Variants in FHIP1B observed in about 807,000 individuals in gnomAD.
FHIP1B encodes the protein FHF complex subunit HOOK-interacting protein 1B.
FHIP1B carries 28 observed loss-of-function variants against 82.2 expected under a neutral mutation model. That is an observed-to-expected ratio of 0.34 (90% CI 0.25 to 0.47). The LOEUF is 0.47. Among genes scored for constraint, FHIP1B ranks in the 20% least tolerant of loss-of-function variants. The probability of loss-of-function intolerance (pLI) is 1.00; values close to 1 mark genes in which losing one functional copy is unlikely to be tolerated. For synonymous variants in FHIP1B, 585 were observed against 516.1 expected, an observed-to-expected ratio of 1.13 and a Z score of -1.81; for missense variants, 1,110 against 1,262.6, an observed-to-expected ratio of 0.88 and a Z score of 1.83.
chr11:6,226,778 C>A (rs1283795859), intron 1 of FHIP1B, among the ~76,000 whole-genome samples: 1 of 152,168 alleles, frequency 6.6e-6, no homozygotes, highest in Admixed American at 6.5e-5. Flanking sequence ...TAGCTTTTGT[C>A]TACTGACACC....
chr11:6,230,155 G>A (rs746776630), intron 1 of FHIP1B, among the ~76,000 whole-genome samples: 4 of 152,110 alleles, frequency 2.6e-5, no homozygotes, highest in Non-Finnish European at 5.9e-5. Context: ...AACCAACCTC[G>A]GAACTGCAGA....
At chr11:6,221,172 T>C (rs1847396103) in intron 6 of FHIP1B, among the ~76,000 whole-genome samples, 1 of 152,134 alleles carries the variant, frequency 6.6e-6, no homozygotes, top group African/African-American at 2.4e-5. Context: ...GTCTGGAATA[T>C]TTCTTATACA....
chr11:6,212,552 T>C (rs1847102399), intron 11 of FHIP1B, among the ~76,000 whole-genome samples: 1 of 152,240 alleles, frequency 6.6e-6, no homozygotes, highest in Non-Finnish European at 1.5e-5. Flanking sequence ...CTCCCACTGG[T>C]TGCGGCCAAT....
At chr11:6,232,397 CTA>C (rs1564872626) in intron 1 of FHIP1B, among the ~76,000 whole-genome samples, 1 of 152,322 alleles carries the variant, frequency 6.6e-6, no homozygotes, top group Admixed American at 6.5e-5. Context: ...ACCTTCATCC[CTA>C]TGTCACTCTC....
Position 6,218,954 on chromosome 11 carries a change from C to T in FHIP1B, c.1271+17G>A, listed in dbSNP as rs1264722654. The T allele has an allele frequency of 6.2e-7, 1 of 1,613,660 alleles. No individual in the cohort carries two copies. Among genetic ancestry groups the T allele is most frequent in the Non-Finnish European group, 8.5e-7 (1 of 1,179,634 alleles). On this transcript the variant is annotated intron_variant, in intron 7 of 11. Coordinates refer to ENST00000449352, the MANE Select transcript of FHIP1B (RefSeq NM_001098794.2). ...GCTTCAGGGTCAGCCATCCCTCAGC[C>T]CTGCCCCAACAGATACCTGAGAACC...
chr11:6,229,904 G>C (rs1847654438), intron 1 of FHIP1B, among the ~76,000 whole-genome samples: 1 of 150,424 alleles, frequency 6.6e-6, no homozygotes. Context: ...TCTCTGCAAT[G>C]TTCAGAACAA....
chr11:6,220,335 C>T (rs1289210478), intron 6 of FHIP1B, among the ~76,000 whole-genome samples: 4 of 152,108 alleles, frequency 2.6e-5, no homozygotes, highest in African/African-American at 9.7e-5. Flanking sequence ...TGGATCCTGT[C>T]CTACGGCCTC....
chr11:6,225,206 G>T (rs565781392), intron 1 of FHIP1B, among the ~76,000 whole-genome samples: 1 of 152,160 alleles, frequency 6.6e-6, no homozygotes, highest in African/African-American at 2.4e-5. Flanking sequence ...CCTTATCTTG[G>T]CCTACAGGAG....
rs1847458287 is a variant in FHIP1B, at chr11:6,223,023, AT to A, written c.936+56del. ...GAAAAATGACAGAACTCCAGGGAAT[AT>A]ACCCCCTCCTACCTAATCTCCCAAA... is the stretch of plus-strand genomic sequence containing the variant. On this transcript the variant is annotated intron_variant, in intron 4 of 11. Coordinates refer to ENST00000449352, the MANE Select transcript of FHIP1B (RefSeq NM_001098794.2). The surrounding 1 kb of genome is among the most constrained non-coding windows in gnomAD (Gnocchi z 4.8). 6.3e-7 allele frequency: 1 copy of A among 1,579,160 alleles called. No individual in the cohort carries two copies. Among genetic ancestry groups the A allele is most frequent in the Admixed American group, 1.8e-5 (1 of 56,344 alleles).
Position 6,223,885 on chromosome 11 carries a change from T to C in FHIP1B, c.502A>G (p.Ser168Gly), listed in dbSNP as rs140864583. The C allele has an allele frequency of 1.1e-5, 18 of 1,614,216 alleles. No individual in the cohort carries two copies. Among genetic ancestry groups the C allele is most frequent in the Non-Finnish European group, 1.4e-5 (17 of 1,180,022 alleles). The change falls in exon 3 of 12, where the codon AGT (serine) becomes GGT (glycine). Residue 168 changes from serine to glycine, a missense_variant. By Grantham distance (56) the Ser-to-Gly change is moderately conservative. This residue lies in a region of FHIP1B where 467 missense variants were observed against 602.9 expected (regional missense o/e 0.77). Coordinates refer to ENST00000449352, the MANE Select transcript of FHIP1B (RefSeq NM_001098794.2). This position sits in a 1 kb window ranked among gnomAD's most constrained non-coding sequence, Gnocchi z 4.8. ...LLDACGRPVP[S>G]SPALDEGLVL... ...AAGCCTTCATCCAGTGCTGGGCTAC[T>C]GGGCACAGGGCGGCCACAGGCATCC...
Position 6,217,081 on chromosome 11 carries a change from C to T in FHIP1B, c.2215+290G>A, listed in dbSNP as rs553492518. The T allele has an allele frequency of 3.1e-4, 215 of 702,640 alleles. 3 individuals are homozygous for T. The highest frequency in any genetic ancestry group is 2.7e-3 in the African/African-American group (156 of 57,332). 43.5% of individuals were successfully genotyped at this position (702,640 alleles called of 1,614,324 possible). On this transcript the variant is annotated intron_variant, in intron 9 of 11. Transcript: ENST00000449352. ...AACACAGAATATCCTAATTACAAAT[C>T]GCAGGAAATGGCCAGACTAGGGAAA... is the stretch of plus-strand genomic sequence containing the variant.
chr11:6,216,287 C>T (rs945002560), intron 9 of FHIP1B, among the ~76,000 whole-genome samples: 3 of 152,228 alleles, frequency 2.0e-5, no homozygotes, highest in Admixed American at 6.5e-5. Context: ...CCAGTCAGGA[C>T]ATGAACTTAT....
In FHIP1B at chr11:6,211,733, G is replaced by C. The variant is rs1847078295; in HGVS notation, c.2692C>G (p.Pro898Ala). 6.2e-7 allele frequency: 1 copy of C among 1,614,226 alleles called. No homozygotes were observed. The highest frequency in any genetic ancestry group is 1.1e-5 in the South Asian group (1 of 91,090). Residue 898 changes from proline to alanine, a missense_variant, in exon 12 of 12, where the codon CCT becomes GCT. Pro to Ala is a conservative substitution (Grantham distance 27). Coordinates refer to ENST00000449352, the MANE Select transcript of FHIP1B (RefSeq NM_001098794.2). The part of the protein sequence containing the change: ...GAGLGLSGGS[P>A]GASTPVLLTR... The stretch of plus-strand genomic sequence containing the variant: ...AGTAGAACTGGAGTTGAAGCCCCAG[G>C]GGAGCCCCCACTTAGGCCAAGTCCT...
At position 6,224,685 on chromosome 11, in the gene FHIP1B, C is replaced by T; in HGVS notation, c.-169G>A. ...GCTGGAATGGCAAGCCCAGAGGTCA[C>T]TGGCCAGTCCAGATTTCTAAATCTA... On this transcript the variant is annotated 5_prime_UTR_variant, in exon 2 of 12. In the 5' UTR this introduces an upstream ATG that the reference lacks. Transcript: ENST00000449352. 9.6e-6 allele frequency: 6 copies of T among 623,326 alleles called. No homozygotes were observed. Among genetic ancestry groups the T allele is most frequent in the Non-Finnish European group, 1.4e-5 (5 of 363,406 alleles). 38.6% of individuals were successfully genotyped at this position (623,326 alleles called of 1,614,324 possible).
In FHIP1B at chr11:6,222,626, GA is replaced by G. The variant is rs764316523; in HGVS notation, c.1024-18del. 2.5e-6 allele frequency: 4 copies of G among 1,612,706 alleles called. No individual in the cohort carries two copies. The highest frequency in any genetic ancestry group is 1.7e-5 in the Admixed American group (1 of 59,986). ...CACAGAGGTCTGCACAAAAAGAAGG[GA>G]AAGTCTGGAAATGCACAGCTTCCCT... On this transcript the variant is annotated intron_variant, in intron 5 of 11. Coordinates refer to ENST00000449352, the MANE Select transcript of FHIP1B (RefSeq NM_001098794.2).
chr11:6,218,315 A>G (rs973403331), intron 8 of FHIP1B, among the ~76,000 whole-genome samples, 165 bp from the exon 9 acceptor site: 23 of 151,826 alleles, frequency 1.5e-4, no homozygotes, highest in African/African-American at 5.6e-4. Flanking sequence ...CTCATCCACC[A>G]CCCCCACTCA....
chr11:6,226,131 C>T (rs1847558299), intron 1 of FHIP1B, among the ~76,000 whole-genome samples: 1 of 152,166 alleles, frequency 6.6e-6, no homozygotes, highest in Admixed American at 6.5e-5. Flanking sequence ...GACCTGGCAC[C>T]AGCCCCACAT....
rs200972055 is a variant in FHIP1B at position 6,222,469 on chromosome 11, G to A, written c.1164C>T (p.Leu388=). 76 of 1,613,944 alleles carry A rather than the reference G, an allele frequency of 4.7e-5. No individual in the cohort carries two copies. Among genetic ancestry groups the A allele is most frequent in the African/African-American group, 1.3e-4 (10 of 74,882 alleles). Reference sequence around the variant, plus strand: ...GGGAGTTACTGCCAATACGAGCAACGAGGGTGTCGAGGATGGTGTGGGTGT... The same window carrying A: ...GGGAGTTACTGCCAATACGAGCAACAAGGGTGTCGAGGATGGTGTGGGTGT... ...RHDTHTILDT[L]VARIGSNSRL... is the part of the protein sequence containing the mutation. The change falls in exon 6 of 12, where the codon CTC becomes CTT. Residue 388 remains leucine (L), a synonymous_variant. Coordinates refer to ENST00000449352, the MANE Select transcript of FHIP1B (RefSeq NM_001098794.2).
chr11:6,219,539 A>G (rs891692221), intron 6 of FHIP1B, among the ~76,000 whole-genome samples: 8 of 152,226 alleles, frequency 5.3e-5, no homozygotes, highest in African/African-American at 1.7e-4. Context: ...GGGGCTGCAA[A>G]CATGAAGTCT....
Sources: gnomAD v4.1 joint callset for allele counts (sites outside exome capture counted in the v4.1 genomes callset) on GRCh38, gnomAD v4.1.1 for gene constraint, gnomAD v4.1.1 regional missense constraint, Gnocchi (gnomAD v3.1) non-coding constraint, MANE v1.5 for transcripts, NCBI Gene and HGNC (gene_info 2026-07-23, HGNC 2026-07-21) for gene names.